ROBO2: variants seen among roughly 807,000 people sequenced by gnomAD.
ROBO2 encodes the protein roundabout guidance receptor 2, also known as roundabout homolog 2.
A neutral mutation model predicts 160.8 loss-of-function variants in ROBO2; 53 were observed. The observed-to-expected ratio is 0.33, with a 90% CI of 0.26 to 0.41. ROBO2 has a LOEUF of 0.41. ROBO2 is among the 10% of genes least tolerant of loss of function. The pLI, the probability that ROBO2 is intolerant of heterozygous loss-of-function variation, is 1.00. For synonymous variants in ROBO2, 664 were observed against 611.7 expected, an observed-to-expected ratio of 1.09 and a Z score of -1.26; for missense variants, 1,577 against 1,722.4, an observed-to-expected ratio of 0.92 and a Z score of 1.49.
chr3:76,599,879 G>A (rs4856046), intron 2 of ROBO2, among the ~76,000 whole-genome samples: 147,587 of 152,298 alleles, frequency 0.97, 71,693 homozygotes, highest in East Asian at 1. Flanking sequence ...GTCCTTTCCC[G>A]CTTTTTAATG....
intron 2 of ROBO2, among the ~76,000 whole-genome samples, chr3:76,018,976 T>C (rs948034916): frequency 6.6e-6 from 1 of 151,782 alleles, no homozygotes; most frequent in Non-Finnish European, 1.5e-5. Flanking sequence ...ATTTGCATTA[T>C]GGTCTCCCCA....
At chr3:76,014,923 G>A (rs1405839899) in intron 2 of ROBO2, among the ~76,000 whole-genome samples, 4 of 152,102 alleles carry the variant, frequency 2.6e-5, no homozygotes, top group Admixed American at 1.3e-4. Context: ...GTGAGACCCT[G>A]TCTCTAAAAA....
rs542802527 is a variant in ROBO2, at chr3:76,966,912, A to G, written c.110-131102A>G. ...ACAGTTTTGCTTGAGACATCTTGTG[A>G]ACAAGACTTTGCTTGAAGAGCAGGG... On this transcript the variant is annotated intron_variant, in intron 2 of 26. Transcript: ENST00000487694. 1.1e-4 allele frequency among the ~76,000 whole-genome samples: 16 copies of G among 152,350 alleles called. No homozygotes were observed. The South Asian group carries it at 3.3e-3, about 32-fold the overall frequency.
At chr3:76,639,497 C>G (rs1043849156) in intron 2 of ROBO2, among the ~76,000 whole-genome samples, 2 of 151,474 alleles carry the variant, frequency 1.3e-5, no homozygotes, top group Non-Finnish European at 2.9e-5. Context: ...CACATATCCC[C>G]AAACTGAGAG....
At chr3:77,417,215 G>C (rs938681511) in intron 2 of ROBO2, among the ~76,000 whole-genome samples, 1 of 143,462 alleles carries the variant, frequency 7.0e-6, no homozygotes. Context: ...TTTAATGCAG[G>C]GTAGCAGGGT....
intron 2 of ROBO2, among the ~76,000 whole-genome samples, chr3:76,415,607 T>C (rs1334215144): frequency 1.3e-5 from 2 of 152,208 alleles, no homozygotes; most frequent in African/African-American, 4.8e-5. Flanking sequence ...ATTTATACTG[T>C]GGTGTATGAG....
rs149826208 is a variant in ROBO2 at position 77,389,465 on chromosome 3, G to A, written c.389-87949G>A. ...CATAAAAGATTTCCATGATCATGCA[G>A]TGTTCTATTGGACAGTGCCACACAA... is the stretch of plus-strand genomic sequence containing the variant. On this transcript the variant is annotated intron_variant, in intron 2 of 25. Coordinates refer to ENST00000461745, the Ensembl canonical transcript of ROBO2. 4.7e-3 allele frequency among the ~76,000 whole-genome samples: 710 copies of A among 152,278 alleles called. 7 individuals are homozygous for A. Among genetic ancestry groups the A allele is most frequent in the East Asian group, 0.032 (167 of 5,168 alleles).
chr3:77,212,818 A>G (rs552751339), intron 2 of ROBO2, among the ~76,000 whole-genome samples: 3 of 152,192 alleles, frequency 2.0e-5, no homozygotes, highest in African/African-American at 2.4e-5. Context: ...CCTTTTCTGC[A>G]TCTATTGAGA....
chr3:76,709,005 A>G (rs2093230773), intron 2 of ROBO2, among the ~76,000 whole-genome samples: 2 of 152,170 alleles, frequency 1.3e-5, no homozygotes, highest in Non-Finnish European at 2.9e-5. Context: ...TGAGGGTGCC[A>G]TTTACTCAAA....
At chr3:76,257,591 G>A (rs1274200892) in intron 2 of ROBO2, among the ~76,000 whole-genome samples, 1 of 151,994 alleles carries the variant, frequency 6.6e-6, no homozygotes, top group Non-Finnish European at 1.5e-5. Context: ...CTATTGTATA[G>A]TGTATTTCAT....
chr3:76,185,375 A>G (rs1413304088), intron 2 of ROBO2, among the ~76,000 whole-genome samples: 1 of 151,778 alleles, frequency 6.6e-6, no homozygotes, highest in Non-Finnish European at 1.5e-5. Context: ...ATATATTTTC[A>G]CATGTTTATT....
At chr3:76,861,082 G>A (rs1402116500) in intron 2 of ROBO2, among the ~76,000 whole-genome samples, 4 of 152,080 alleles carry the variant, frequency 2.6e-5, no homozygotes, top group Non-Finnish European at 4.4e-5. Flanking sequence ...TGCAACATCA[G>A]TAATAGCCAA....
chr3:76,279,840 A>G (rs951892713), intron 2 of ROBO2, among the ~76,000 whole-genome samples: 1 of 151,956 alleles, frequency 6.6e-6, no homozygotes, highest in African/African-American at 2.4e-5. Flanking sequence ...ATGATCCCTA[A>G]TATAGCATCC....
chr3:76,592,133 CT>C (rs2086453156), intron 2 of ROBO2, among the ~76,000 whole-genome samples: 1 of 151,836 alleles, frequency 6.6e-6, no homozygotes, highest in East Asian at 1.9e-4. Context: ...GTGAAAGTAC[CT>C]GTGTACTTTA....
chr3:76,848,428 CAT>C (rs1447309220), intron 2 of ROBO2, among the ~76,000 whole-genome samples: 8 of 152,180 alleles, frequency 5.3e-5, no homozygotes, highest in African/African-American at 1.9e-4. Context: ...AGTCTTTTCC[CAT>C]AGTTAGGAAG....
chr3:75,974,355 G>T (rs2065079013), intron 2 of ROBO2, among the ~76,000 whole-genome samples: 1 of 151,584 alleles, frequency 6.6e-6, no homozygotes. Context: ...AGTTACAAAA[G>T]AAATTATGTT....
chr3:76,696,901 T>C (rs971893373), intron 2 of ROBO2, among the ~76,000 whole-genome samples: 1 of 152,220 alleles, frequency 6.6e-6, no homozygotes, highest in Non-Finnish European at 1.5e-5. Flanking sequence ...TATTTGGATG[T>C]GTTAAATGAT....
intron 2 of ROBO2, among the ~76,000 whole-genome samples, chr3:77,405,005 A>G (rs1294366117): frequency 6.6e-6 from 1 of 152,152 alleles, no homozygotes; most frequent in Non-Finnish European, 1.5e-5. Flanking sequence ...CTTCCCTGAA[A>G]GCAAAAATCA....
chr3:76,254,283 T>G (rs1706219225), intron 2 of ROBO2, among the ~76,000 whole-genome samples: 1 of 152,132 alleles, frequency 6.6e-6, no homozygotes, highest in Non-Finnish European at 1.5e-5. Context: ...GTTGAGTGAC[T>G]ATGAGGACCA....
Sources: allele counts gnomAD v4.1 joint callset (sites outside exome capture counted in the v4.1 genomes callset), GRCh38; gene constraint gnomAD v4.1.1; transcripts MANE v1.5; gene names NCBI Gene and HGNC (gene_info 2026-07-23, HGNC 2026-07-21).